PCCA: variants seen among roughly 807,000 people sequenced by gnomAD.
The protein encoded by PCCA is propionyl-CoA carboxylase subunit alpha.
Under a neutral mutation model 101.3 loss-of-function variants are expected in PCCA, and 74 were observed. The ratio of observed to expected loss-of-function variants is 0.73; its 90% CI spans 0.61 to 0.89. The LOEUF (loss-of-function observed/expected upper bound fraction) is 0.89, where lower values mean the gene tolerates loss of function less well. Ranked by LOEUF, PCCA falls within the 40% of genes least tolerant of loss-of-function variation. The pLI is 0.00. For synonymous variants in PCCA, 294 were observed against 313.6 expected (o/e 0.94, Z 0.66); for missense variants, 891 against 907.0 (o/e 0.98, Z 0.23).
At chr13:100,188,433 A>G (rs539464904) in intron 6 of PCCA, among the ~76,000 whole-genome samples, 4 of 152,070 alleles carry the variant, frequency 2.6e-5, no homozygotes, top group Non-Finnish European at 5.9e-5. Context: ...TGGTGTAGAT[A>G]TACCAGTATT....
chr13:100,403,639 G>T (rs984857585), intron 19 of PCCA, among the ~76,000 whole-genome samples: 1 of 152,110 alleles, frequency 6.6e-6, no homozygotes, highest in African/African-American at 2.4e-5. Flanking sequence ...AGCTAAGGAT[G>T]GGGTTCTTTG....
intron 7 of PCCA, among the ~76,000 whole-genome samples, chr13:100,230,753 C>T (rs757824516): frequency 6.6e-6 from 1 of 152,132 alleles, no homozygotes; most frequent in East Asian, 1.9e-4. Flanking sequence ...CTGTGCCAGG[C>T]GTGTGCTCGG....
chr13:100,196,108 C>T (rs960155610), intron 6 of PCCA, among the ~76,000 whole-genome samples: 2 of 151,966 alleles, frequency 1.3e-5, no homozygotes, highest in African/African-American at 4.8e-5. Flanking sequence ...AAAAAGTTTC[C>T]TCCATAAATT....
At chr13:100,155,119 C>A in intron 5 of PCCA, 27 bp downstream of exon 5, 3 of 1,379,214 alleles carry the variant, frequency 2.2e-6, no homozygotes, top group Non-Finnish European at 3.1e-6. Flanking sequence ...CTATCTACTG[C>A]AGCTGTTTCA....
chr13:100,502,339 C>T (rs182554901), intron 21 of PCCA, among the ~76,000 whole-genome samples: 4 of 152,228 alleles, frequency 2.6e-5, no homozygotes, highest in East Asian at 1.9e-4. Context: ...CCCTGCTGAA[C>T]GGGCACCCTC....
At chr13:100,224,769 T>C (rs2060050513) in intron 7 of PCCA, among the ~76,000 whole-genome samples, 1 of 152,176 alleles carries the variant, frequency 6.6e-6, no homozygotes, top group South Asian at 2.1e-4. Flanking sequence ...GTCTGAGTGG[T>C]AGTGAGTTAG....
chr13:100,305,906 C>A (rs2152690730), intron 14 of PCCA: 1 of 369,602 alleles, frequency 2.7e-6, no homozygotes, highest in Non-Finnish European at 5.4e-6. Context: ...ATACAGATAT[C>A]TATATTTTTG....
At chr13:100,486,081 G>C (rs1366136568) in intron 21 of PCCA, among the ~76,000 whole-genome samples, 2 of 152,216 alleles carry the variant, frequency 1.3e-5, no homozygotes, top group East Asian at 1.9e-4. Flanking sequence ...GCCCATCGTA[G>C]TGTCATGAGC....
At chr13:100,113,598 A>G (rs1398192056) in intron 4 of PCCA, among the ~76,000 whole-genome samples, 5 of 101,816 alleles carry the variant, frequency 4.9e-5, no homozygotes, top group African/African-American at 2.0e-4. Context: ...TTTTTTTTTG[A>G]GACAGAGTCT....
chr13:100,261,442 C>A (rs1350753634), intron 9 of PCCA, among the ~76,000 whole-genome samples: 3 of 151,614 alleles, frequency 2.0e-5, no homozygotes, highest in African/African-American at 7.3e-5. Context: ...TTCTGCCCAC[C>A]GTAGCCTCTG....
At chr13:100,352,072 T>C (rs2073335184) in intron 18 of PCCA, among the ~76,000 whole-genome samples, 1 of 151,992 alleles carries the variant, frequency 6.6e-6, no homozygotes, top group Admixed American at 6.6e-5. Flanking sequence ...AAAACGTTGA[T>C]TTAAAACAAG....
chr13:100,250,802 T>C (rs2152546188), intron 8 of PCCA, among the ~76,000 whole-genome samples: 1 of 152,322 alleles, frequency 6.6e-6, no homozygotes, highest in Admixed American at 6.5e-5. Flanking sequence ...TTAAGGCCTT[T>C]TAGGCTTTAA....
Position 100,179,091 on chromosome 13 carries a change from AATAT to A in PCCA, c.468+21766_468+21769del, listed in dbSNP as rs565171827. On this transcript the variant is annotated intron_variant, in intron 6 of 23. Coordinates refer to ENST00000376285, the MANE Select transcript of PCCA (RefSeq NM_000282.4). The stretch of plus-strand genomic sequence containing the variant: ...GACTCCTTCTCAAAAAAAAAAAAAA[AATAT>A]ATATATATATATATTTGTGCTTGTT... Among the ~76,000 whole-genome samples, 335 of 110,486 alleles carry A rather than the reference AATAT, an allele frequency of 3.0e-3. 20 individuals carry two copies. The highest frequency in any genetic ancestry group is 7.9e-3 in the Middle Eastern group (2 of 254). The allele number at this position is 110,486 out of a possible 152,430, so 72.5% of individuals were successfully genotyped here. A position where few individuals can be genotyped will look rare whatever the true frequency, so the allele number is the denominator to read the frequency against.
At chr13:100,392,906 A>AG (rs1187325269) in intron 19 of PCCA, among the ~76,000 whole-genome samples, 1 of 151,408 alleles carries the variant, frequency 6.6e-6, no homozygotes, top group African/African-American at 2.5e-5. Flanking sequence ...TGACTCACCC[A>AG]GGGAAGTGAC....
chr13:100,527,456 ATTTT>A, intron 22 of PCCA: 1 of 473,970 alleles, frequency 2.1e-6, no homozygotes, highest in Non-Finnish European at 3.9e-6. Flanking sequence ...AGGGTCAGGG[ATTTT>A]TTTTTTTTCC....
chr13:100,461,948 G>A (rs1288473680), intron 21 of PCCA, among the ~76,000 whole-genome samples: 1 of 152,110 alleles, frequency 6.6e-6, no homozygotes, highest in Non-Finnish European at 1.5e-5. Flanking sequence ...CTCCCTGCTC[G>A]GTCACACTCT....
intron 12 of PCCA, among the ~76,000 whole-genome samples, chr13:100,282,320 C>T (rs1194127414): frequency 6.6e-6 from 1 of 152,246 alleles, no homozygotes; most frequent in Non-Finnish European, 1.5e-5. Flanking sequence ...CTCGGCGCCT[C>T]CTCTGCCTGG....
intron 6 of PCCA, among the ~76,000 whole-genome samples, chr13:100,188,411 G>C (rs1594625714): frequency 6.6e-6 from 1 of 152,216 alleles, no homozygotes; most frequent in Admixed American, 6.5e-5. Flanking sequence ...ATGGCTGAGT[G>C]GTCGTATTCC....
At chr13:100,339,570 C>T (rs2071000672) in intron 17 of PCCA, among the ~76,000 whole-genome samples, 1 of 152,188 alleles carries the variant, frequency 6.6e-6, no homozygotes, top group South Asian at 2.1e-4. Flanking sequence ...GGCCAGCCGA[C>T]TATCCCAGGT....
Sources: allele counts gnomAD v4.1 joint callset (sites outside exome capture counted in the v4.1 genomes callset), GRCh38; gene constraint gnomAD v4.1.1; transcripts MANE v1.5; gene names NCBI Gene and HGNC (gene_info 2026-07-23, HGNC 2026-07-21).